EYS: variants seen among roughly 807,000 people sequenced by gnomAD.
The protein encoded by EYS is EGF-like photoreceptor maintenance factor, also known as protein eyes shut homolog.
A neutral mutation model predicts 282.1 loss-of-function variants in EYS; 250 were observed. That is an observed-to-expected ratio of 0.89 (90% CI 0.80 to 0.98). EYS has a LOEUF of 0.98. EYS is among the 50% of genes least tolerant of loss of function. The pLI is 0.00. For synonymous variants in EYS, 1,355 were observed against 1,282.9 expected (o/e 1.06, Z -1.20); for missense variants, 4,016 against 3,709.0 (o/e 1.08, Z -2.15).
chr6:65,271,539 G>C (rs895988403), intron 12 of EYS, among the ~76,000 whole-genome samples: 1 of 151,828 alleles, frequency 6.6e-6, no homozygotes, highest in African/African-American at 2.4e-5. Context: ...TGTTTAACCA[G>C]CTATCTGGGA....
At chr6:64,198,324 T>C (rs1765360508) in intron 31 of EYS, among the ~76,000 whole-genome samples, 1 of 152,082 alleles carries the variant, frequency 6.6e-6, no homozygotes, top group South Asian at 2.1e-4. Flanking sequence ...TTTTTATTAT[T>C]ATACTTTAAG....
Position 63,864,237 on chromosome 6 carries a change from C to G in EYS, c.7177G>C (p.Asp2393His). ...GATCVPKSGT[D>H]IVCLCPYGRS... Reference sequence around the variant, plus strand: ...CCATATGGGCAGAGGCAGACAATATCTGTTCCGGATTTTGGAACACAGGTG... The same window carrying G: ...CCATATGGGCAGAGGCAGACAATATGTGTTCCGGATTTTGGAACACAGGTG... Residue 2393 changes from aspartate (D) to histidine (H), a missense_variant, in exon 36 of 43, where the codon GAT (aspartate) becomes CAT (histidine). Transcript: ENST00000503581. 6.4e-7 allele frequency: 1 copy of G among 1,550,788 alleles called. No individual in the cohort carries two copies. Among genetic ancestry groups the G allele is most frequent in the Non-Finnish European group, 8.7e-7 (1 of 1,146,462 alleles).
chr6:63,811,426 C>T (rs1479707654), intron 36 of EYS, among the ~76,000 whole-genome samples: 1 of 152,152 alleles, frequency 6.6e-6, no homozygotes, highest in Non-Finnish European at 1.5e-5. Flanking sequence ...TATTTCTTTT[C>T]TCTTGAAATG....
At chr6:63,981,412 C>T (rs1231762640) in intron 35 of EYS, among the ~76,000 whole-genome samples, 2 of 151,818 alleles carry the variant, frequency 1.3e-5, no homozygotes, top group African/African-American at 4.8e-5. Flanking sequence ...GCCAACTCCA[C>T]TGTATTGCAT....
chr6:64,222,506 C>T (rs1355081174), intron 31 of EYS, among the ~76,000 whole-genome samples: 2 of 151,996 alleles, frequency 1.3e-5, no homozygotes, highest in Admixed American at 6.6e-5. Context: ...CAAATTTATA[C>T]TCTTCAATCC....
At chr6:65,494,415 C>T (rs925890267) in intron 4 of EYS, among the ~76,000 whole-genome samples, 2 of 151,828 alleles carry the variant, frequency 1.3e-5, no homozygotes, top group African/African-American at 4.8e-5. Context: ...GTAGCTGGGA[C>T]TACAGGCGCC....
At chr6:64,917,888 C>T (rs1768215030) in intron 15 of EYS, among the ~76,000 whole-genome samples, 1 of 151,920 alleles carries the variant, frequency 6.6e-6, no homozygotes, top group Non-Finnish European at 1.5e-5. Context: ...AAATTTCAAC[C>T]AAAACTGCTA....
At chr6:64,549,815 C>T (rs1202176064) in intron 26 of EYS, among the ~76,000 whole-genome samples, 2 of 150,878 alleles carry the variant, frequency 1.3e-5, no homozygotes, top group African/African-American at 4.9e-5. Flanking sequence ...ATACATGTGC[C>T]ATGTTGGTGT....
At chr6:64,548,201 G>A (rs1764944049) in intron 26 of EYS, among the ~76,000 whole-genome samples, 1 of 152,198 alleles carries the variant, frequency 6.6e-6, no homozygotes, top group Non-Finnish European at 1.5e-5. Context: ...GGGCTGCGAG[G>A]GCTGTCAGCA....
chr6:65,145,874 T>C (rs1764464267), intron 12 of EYS, among the ~76,000 whole-genome samples: 2 of 152,002 alleles, frequency 1.3e-5, no homozygotes, highest in South Asian at 4.1e-4. Flanking sequence ...ATCCATTCCA[T>C]ATAGGAATAT....
In EYS at chr6:64,853,463, CT is replaced by C. The variant is rs1260364091; in HGVS notation, c.2993-30642del. ...CCGACTATGAGAAGCTTCTGTTATA[CT>C]TTTTTTGTTCAAATTTGCCTCAACC... On this transcript the variant is annotated intron_variant, in intron 19 of 42. Transcript: ENST00000503581. Among the ~76,000 whole-genome samples the C allele has an allele frequency of 1.4e-4, 21 of 152,174 alleles. No individual in the cohort carries two copies. The East Asian group carries it at 3.7e-3, about 27-fold the overall frequency.
rs1481791270 is a variant in EYS, at chr6:63,864,304, G to T, written c.7110C>A (p.Cys2370Ter). ...GGTTGTTTTCACAACTTGCAAACTG[G>T]CACAGCTTGCCTGAATACAGCCTTG... ...ECPRLYSGKL[C>*]QFASCENNPC... The change falls in exon 36 of 43, where the codon TGC becomes TGA. Residue 2370 changes from cysteine (C) to a stop codon, truncating the protein, a stop_gained. Coordinates refer to ENST00000503581, the MANE Select transcript of EYS (RefSeq NM_001142800.2). LOFTEE classifies it high-confidence loss of function. The T allele has an allele frequency of 1.3e-6, 2 of 1,551,348 alleles. No homozygotes were observed. The highest frequency in any genetic ancestry group is 1.7e-6 in the Non-Finnish European group (2 of 1,146,836).
rs371670045 is a variant in EYS, at chr6:64,966,037, A to T, written c.2260-20123T>A. ...TGCTTGTCCATTTTACTGGGTTGCGAAATGGGTATAAAGGGTACAGGGAAT... is the reference window on the plus strand; with the variant it reads ...TGCTTGTCCATTTTACTGGGTTGCGTAATGGGTATAAAGGGTACAGGGAAT... On this transcript the variant is annotated intron_variant, in intron 14 of 42. Coordinates refer to ENST00000503581, the MANE Select transcript of EYS (RefSeq NM_001142800.2). 3.3e-5 allele frequency among the ~76,000 whole-genome samples: 5 copies of T among 152,070 alleles called. No homozygotes were observed. In the East Asian group the frequency reaches 9.6e-4, roughly 29 times the overall value.
intron 40 of EYS, among the ~76,000 whole-genome samples, chr6:63,772,506 CAAT>C (rs751702290): frequency 2.0e-4 from 30 of 151,892 alleles, no homozygotes; most frequent in Admixed American, 1.2e-3. Flanking sequence ...TTTAAAATAA[CAAT>C]ATCAATGTTA....
chr6:65,573,639 T>C (rs1442890186), intron 2 of EYS, among the ~76,000 whole-genome samples: 1 of 152,170 alleles, frequency 6.6e-6, no homozygotes, highest in Non-Finnish European at 1.5e-5. Context: ...CCAGGCTCTG[T>C]GGCTGTACTG....
At chr6:65,587,676 C>T (rs1356484410) in intron 2 of EYS, among the ~76,000 whole-genome samples, 1 of 151,858 alleles carries the variant, frequency 6.6e-6, no homozygotes, top group Non-Finnish European at 1.5e-5. Flanking sequence ...AACATAAATC[C>T]CTTTCTATTG....
chr6:64,021,494 T>C (rs1179030571), intron 33 of EYS, among the ~76,000 whole-genome samples: 1 of 152,008 alleles, frequency 6.6e-6, no homozygotes, highest in Non-Finnish European at 1.5e-5. Flanking sequence ...CAGCCCTAAA[T>C]TGTCAACAAT....
intron 35 of EYS, among the ~76,000 whole-genome samples, chr6:63,961,032 G>A (rs1462759776): frequency 6.6e-6 from 1 of 152,144 alleles, no homozygotes; most frequent in Non-Finnish European, 1.5e-5. Context: ...CTACATCTTA[G>A]ATTATCTCTT....
chr6:65,400,657 C>T (rs909458316), intron 7 of EYS, among the ~76,000 whole-genome samples: 4 of 151,894 alleles, frequency 2.6e-5, no homozygotes, highest in Admixed American at 1.3e-4. Context: ...ATTTCCATAA[C>T]CAATGTTTCA....
Sources: gnomAD v4.1 joint callset for allele counts (sites outside exome capture counted in the v4.1 genomes callset) on GRCh38, gnomAD v4.1.1 for gene constraint, MANE v1.5 for transcripts, NCBI Gene and HGNC (gene_info 2026-07-23, HGNC 2026-07-21) for gene names.